The following SH2D4A variants were observed in gnomAD, a reference collection of about 807,000 sequenced individuals.
SH2D4A encodes the protein SH2 domain-containing protein 4A.
SH2D4A carries 70 observed loss-of-function variants against 64.7 expected under a neutral mutation model. The ratio of observed to expected loss-of-function variants is 1.08; its 90% CI spans 0.89 to 1.32. The LOEUF is 1.32. Among genes scored for constraint, SH2D4A ranks in the 40% most tolerant of loss-of-function variants. The pLI is 0.00. For synonymous variants in SH2D4A, 268 were observed against 200.7 expected (o/e 1.34, Z -2.83); for missense variants, 706 against 540.1 (o/e 1.31, Z -3.04).
chr8:19,395,479 G>C lies in SH2D4A; in HGVS notation c.*837G>C, dbSNP rs1053730897. On this transcript the variant is annotated 3_prime_UTR_variant, in exon 10 of 10. Coordinates refer to ENST00000265807, the MANE Select transcript of SH2D4A (RefSeq NM_022071.4). ...TCTTAACCCCCATCCCCGTGAATGG[G>C]ACCTTGTTTGGAAATAGGGTCTTTG... 1 of 152,230 alleles carries C rather than the reference G, an allele frequency of 6.6e-6. No individual in the cohort carries two copies. The highest frequency in any genetic ancestry group is 2.4e-5 in the African/African-American group (1 of 41,450). The allele number at this position is 152,230 out of a possible 1,614,324, so 9.4% of individuals were successfully genotyped here.
intron 5 of SH2D4A, among the ~76,000 whole-genome samples, chr8:19,359,740 C>T (rs1490686506): frequency 2.1e-4 from 31 of 145,118 alleles, no homozygotes; most frequent in African/African-American, 7.8e-4. Context: ...TTAGTTACAT[C>T]TGCAGTGAAG....
intron 8 of SH2D4A, among the ~76,000 whole-genome samples, chr8:19,389,776 C>T (rs190951183): frequency 3.3e-5 from 5 of 152,240 alleles, no homozygotes; most frequent in South Asian, 2.1e-4. Context: ...CATGGTGGCA[C>T]GTGCTTGCAG....
chr8:19,393,669 C>G, intron 9 of SH2D4A, 128 bp downstream of exon 9: 2 of 813,538 alleles, frequency 2.5e-6, no homozygotes, highest in Non-Finnish European at 3.8e-6. Flanking sequence ...GGGGGCTTGT[C>G]TTTGATAATT....
At chr8:19,333,215 G>A (rs2052392078) in intron 3 of SH2D4A, 101 bp downstream of exon 3, 1 of 1,383,574 alleles carries the variant, frequency 7.2e-7, no homozygotes, top group Admixed American at 2.7e-5. Context: ...GGAGAGTAGG[G>A]TTGGGTTGGA....
intron 1 of SH2D4A, among the ~76,000 whole-genome samples, chr8:19,314,434 C>T (rs890804584): frequency 1.3e-5 from 2 of 152,118 alleles, no homozygotes; most frequent in Admixed American, 6.5e-5. Context: ...TGCAGCGCCG[C>T]CTCCCTCGGG....
intron 8 of SH2D4A, among the ~76,000 whole-genome samples, chr8:19,380,381 T>C (rs765385535): frequency 9.9e-5 from 15 of 151,966 alleles, no homozygotes; most frequent in Non-Finnish European, 1.9e-4. Flanking sequence ...TTTCATGAAA[T>C]TCGATTTGCC....
chr8:19,389,315 A>ATGTT (rs1210661421), intron 8 of SH2D4A, among the ~76,000 whole-genome samples: 1 of 152,066 alleles, frequency 6.6e-6, no homozygotes, highest in Non-Finnish European at 1.5e-5. Context: ...CCTGGGCAAA[A>ATGTT]TGTTTATTCT....
chr8:19,363,100 A>G (rs959247500), intron 6 of SH2D4A, among the ~76,000 whole-genome samples: 2 of 151,454 alleles, frequency 1.3e-5, no homozygotes, highest in African/African-American at 4.9e-5. Flanking sequence ...TTTGAGATGG[A>G]GTTTCGCTCT....
chr8:19,352,996 G>A (rs559301861), intron 4 of SH2D4A, among the ~76,000 whole-genome samples: 15 of 152,162 alleles, frequency 9.9e-5, no homozygotes, highest in East Asian at 1.9e-4. Context: ...GGAACAGAGC[G>A]AGACTCTGTC....
chr8:19,372,031 G>A (rs936980142), intron 7 of SH2D4A, among the ~76,000 whole-genome samples: 1 of 152,052 alleles, frequency 6.6e-6, no homozygotes, highest in African/African-American at 2.4e-5. Context: ...CTTGACCTGT[G>A]GTATCTTATT....
At chr8:19,381,947 C>T (rs566826975) in intron 8 of SH2D4A, among the ~76,000 whole-genome samples, 3 of 151,804 alleles carry the variant, frequency 2.0e-5, no homozygotes, top group Admixed American at 6.6e-5. Flanking sequence ...TTACATTGAT[C>T]GATTTTCATA....
rs2053569446 is a variant in SH2D4A, at chr8:19,395,261, T to C, written c.*619T>C. 1 of 152,248 alleles carries C rather than the reference T, an allele frequency of 6.6e-6. No individual in the cohort carries two copies. The highest frequency in any genetic ancestry group is 2.1e-4 in the South Asian group (1 of 4,832). The allele number at this position is 152,248 out of a possible 1,614,324, so 9.4% of individuals were successfully genotyped here. On this transcript the variant is annotated 3_prime_UTR_variant, in exon 10 of 10. Transcript: ENST00000265807. ...TGAGCAAACATCGCTGAGTTTGTTTTCTTGTTCGGGAGAATGGGGCCGGGG... is the reference window on the plus strand; with the variant it reads ...TGAGCAAACATCGCTGAGTTTGTTTCCTTGTTCGGGAGAATGGGGCCGGGG...
chr8:19,340,183 A>G (rs1156336303), intron 4 of SH2D4A, among the ~76,000 whole-genome samples: 2 of 151,952 alleles, frequency 1.3e-5, no homozygotes. Flanking sequence ...CTTTGGAGGA[A>G]CCAAAGGGGC....
chr8:19,382,906 C>T (rs892933617), intron 8 of SH2D4A, among the ~76,000 whole-genome samples: 7 of 142,266 alleles, frequency 4.9e-5, no homozygotes, highest in African/African-American at 1.6e-4. Context: ...TCTTGACTCG[C>T]TACAGCCTTG....
In SH2D4A at chr8:19,364,255, CAG is replaced by C. The variant is rs757604837; in HGVS notation, c.891_892del (p.Ala299IlefsTer7). 8 of 1,614,172 alleles carry C rather than the reference CAG, an allele frequency of 5.0e-6. No individual in the cohort carries two copies. The highest frequency in any genetic ancestry group is 5.9e-6 in the Non-Finnish European group (7 of 1,179,990). ...CCACCCAAGCCTCAGTTCCTAAACTCAGGGGCATATCCTCAAAAACCTCTTAG... is the reference window on the plus strand; with the variant it reads ...CCACCCAAGCCTCAGTTCCTAAACTCGGGCATATCCTCAAAAACCTCTTAG... On this transcript the variant is annotated frameshift_variant, in exon 7 of 10. Coordinates refer to ENST00000265807, the MANE Select transcript of SH2D4A (RefSeq NM_022071.4). LOFTEE classifies it high-confidence loss of function.
chr8:19,351,356 C>A (rs2052701312), intron 4 of SH2D4A, among the ~76,000 whole-genome samples: 1 of 152,162 alleles, frequency 6.6e-6, no homozygotes, highest in African/African-American at 2.4e-5. Context: ...GTAATCCCAG[C>A]ACTTTGGGAG....
At chr8:19,392,902 C>T (rs920903534) in intron 8 of SH2D4A, among the ~76,000 whole-genome samples, 3 of 151,962 alleles carry the variant, frequency 2.0e-5, no homozygotes, top group Admixed American at 6.6e-5. Context: ...CCAAAACGCC[C>T]GGCTAATTTT....
At chr8:19,341,263 A>C (rs2052524539) in intron 4 of SH2D4A, among the ~76,000 whole-genome samples, 1 of 152,244 alleles carries the variant, frequency 6.6e-6, no homozygotes, top group African/African-American at 2.4e-5. Context: ...AGTAAGGATT[A>C]AAGATTTCTG....
Position 19,360,694 on chromosome 8 carries a change from G to A in SH2D4A, c.595-509G>A, listed in dbSNP as rs570472332. ...TACCACATTTTGGGACACATGACTC[G>A]GGGGAGAGATTCAGCTGAGATTGCT... On this transcript the variant is annotated intron_variant, in intron 5 of 9. Coordinates refer to ENST00000265807, the MANE Select transcript of SH2D4A (RefSeq NM_022071.4). 2.6e-5 allele frequency: 4 copies of A among 152,202 alleles called. No homozygotes were observed. In the East Asian group the frequency reaches 7.7e-4, roughly 29 times the overall value. The allele number at this position is 152,202 out of a possible 1,614,324, so 9.4% of individuals were successfully genotyped here.
Sources: gnomAD v4.1 joint callset for allele counts (sites outside exome capture counted in the v4.1 genomes callset) on GRCh38, gnomAD v4.1.1 for gene constraint, MANE v1.5 for transcripts, NCBI Gene and HGNC (gene_info 2026-07-23, HGNC 2026-07-21) for gene names.